Variants in FMNL2 observed in about 807,000 individuals in gnomAD.
FMNL2 encodes formin like 2.
In FMNL2, 51 loss-of-function variants were observed where a neutral mutation model predicts 130.2. The observed-to-expected ratio is 0.39, with a 90% CI of 0.31 to 0.49. The LOEUF is 0.49. FMNL2 is among the 20% of genes least tolerant of loss of function. The pLI is 0.85. For missense variants in FMNL2, 977 were observed against 1,316.2 expected, an observed-to-expected ratio of 0.74 and a Z score of 3.99; for synonymous variants, 465 against 467.1, an observed-to-expected ratio of 1.00 and a Z score of 0.06.
At position 152,619,552 on chromosome 2, in the gene FMNL2, G is replaced by GCCCA; in HGVS notation, c.1674_1675insACCC (p.Pro559ThrfsTer23). On this transcript the variant is annotated frameshift_variant, in exon 15 of 26. Transcript: ENST00000288670. LOFTEE classifies it high-confidence loss of function. Reference sequence around the variant, plus strand: ...CACCACCTATGCCACCGCCGCCGCCGCCCCCTCCTCCACCTCCTCCTCCCC... The same window carrying GCCCA: ...CACCACCTATGCCACCGCCGCCGCCGCCCACCCCCTCCTCCACCTCCTCCTCCCC... 7.1e-7 allele frequency: 1 copy of GCCCA among 1,417,700 alleles called. No individual in the cohort carries two copies. The highest frequency in any genetic ancestry group is 2.2e-5 in the Admixed American group (1 of 44,686). 87.8% of individuals were successfully genotyped at this position (1,417,700 alleles called of 1,614,324 possible).
intron 1 of FMNL2, among the ~76,000 whole-genome samples, chr2:152,475,561 C>A (rs1232688664): frequency 6.6e-6 from 1 of 150,390 alleles, no homozygotes; most frequent in Non-Finnish European, 1.5e-5. Context: ...GTAGTGTGAT[C>A]TCGGCTCACT....
At chr2:152,634,209 GATCACTTGAGGTCAGGAGT>G (rs1250954207) in intron 21 of FMNL2, among the ~76,000 whole-genome samples, 1 of 152,112 alleles carries the variant, frequency 6.6e-6, no homozygotes, top group African/African-American at 2.4e-5. Flanking sequence ...GAGGCGGGCG[GATCACTTGAGGTCAGGAGT>G]TTGAGACCAG....
chr2:152,508,470 A>G (rs908864311), intron 1 of FMNL2, among the ~76,000 whole-genome samples: 1 of 152,202 alleles, frequency 6.6e-6, no homozygotes, highest in Non-Finnish European at 1.5e-5. Context: ...AACATTAGGT[A>G]CTGGATGAAG....
At chr2:152,428,800 G>T (rs1687323826) in intron 1 of FMNL2, among the ~76,000 whole-genome samples, 1 of 152,144 alleles carries the variant, frequency 6.6e-6, no homozygotes. Flanking sequence ...GAGATAGTTC[G>T]AGTGGTGGGG....
chr2:152,425,952 G>A (rs149035676), intron 1 of FMNL2, among the ~76,000 whole-genome samples: 35 of 152,314 alleles, frequency 2.3e-4, no homozygotes, highest in Non-Finnish European at 3.8e-4. Context: ...GCAATTTTCT[G>A]TGGAGGATTC....
chr2:152,463,839 T>C (rs1235464409), intron 1 of FMNL2, among the ~76,000 whole-genome samples: 1 of 152,234 alleles, frequency 6.6e-6, no homozygotes, highest in Admixed American at 6.5e-5. Flanking sequence ...TGTTTTTTTT[T>C]CTCCCTGGCT....
At chr2:152,499,517 A>T (rs1691692623) in intron 1 of FMNL2, among the ~76,000 whole-genome samples, 1 of 145,092 alleles carries the variant, frequency 6.9e-6, no homozygotes, top group Admixed American at 6.6e-5. Flanking sequence ...CTAAAATCTA[A>T]ATCAAAGAAA....
intron 9 of FMNL2, among the ~76,000 whole-genome samples, chr2:152,582,628 G>A (rs1172617196): frequency 6.6e-6 from 1 of 152,024 alleles, no homozygotes; most frequent in African/African-American, 2.4e-5. Flanking sequence ...AGACAAGAAT[G>A]TACGAATGCT....
intron 6 of FMNL2, among the ~76,000 whole-genome samples, chr2:152,563,662 G>A (rs533384479): frequency 6.6e-6 from 1 of 151,140 alleles, no homozygotes; most frequent in African/African-American, 2.4e-5. Flanking sequence ...TTCTCCACAC[G>A]CTGCCTTCAC....
intron 2 of FMNL2, among the ~76,000 whole-genome samples, chr2:152,537,457 C>T (rs918706322): frequency 1.2e-4 from 18 of 152,262 alleles, no homozygotes; most frequent in African/African-American, 3.6e-4. Flanking sequence ...AGGCATTAGA[C>T]GGCTTTAGAT....
chr2:152,600,842 A>T (rs981798332), intron 9 of FMNL2, among the ~76,000 whole-genome samples: 2 of 151,954 alleles, frequency 1.3e-5, no homozygotes, highest in South Asian at 4.1e-4. Flanking sequence ...ATGGGATTTC[A>T]TAGCTTCACA....
chr2:152,372,283 AG>A (rs1264519193), intron 1 of FMNL2, among the ~76,000 whole-genome samples: 3 of 152,210 alleles, frequency 2.0e-5, no homozygotes, highest in Non-Finnish European at 4.4e-5. Flanking sequence ...GGTCCATCTA[AG>A]GAGAGTCTAA....
intron 21 of FMNL2, among the ~76,000 whole-genome samples, chr2:152,634,239 C>T (rs1308861064): frequency 2.0e-5 from 3 of 152,070 alleles, no homozygotes; most frequent in Admixed American, 6.6e-5. Context: ...TTGAGACCAG[C>T]GTGGCCAACA....
intron 1 of FMNL2, among the ~76,000 whole-genome samples, chr2:152,450,872 G>C (rs1332108210): frequency 6.6e-6 from 1 of 152,212 alleles, no homozygotes; most frequent in Non-Finnish European, 1.5e-5. Context: ...ATGAGGTGAT[G>C]TCCCTGCTCC....
At chr2:152,505,708 GGGCTCCAGCC>G (rs1199156898) in intron 1 of FMNL2, among the ~76,000 whole-genome samples, 2 of 152,202 alleles carry the variant, frequency 1.3e-5, no homozygotes, top group East Asian at 1.9e-4. Context: ...AAGGGTCATC[GGGCTCCAGCC>G]GGCTCCAGCC....
Position 152,647,785 on chromosome 2 carries a change from C to G in FMNL2, c.3170-11C>G, listed in dbSNP as rs1282958217. 1.2e-6 allele frequency: 2 copies of G among 1,613,242 alleles called. No individual in the cohort carries two copies. Among genetic ancestry groups the G allele is most frequent in the African/African-American group, 1.3e-5 (1 of 74,902 alleles). ...GTTGCTATTCTCTCACTGGCACTCT[C>G]CCCTTTACAGATCTTAGAAACCAAC... is the stretch of plus-strand genomic sequence containing the variant. On this transcript the variant is annotated splice_polypyrimidine_tract_variant and intron_variant, in intron 25 of 25. Transcript: ENST00000288670.
intron 1 of FMNL2, among the ~76,000 whole-genome samples, chr2:152,463,343 C>T (rs1363357962): frequency 6.6e-6 from 1 of 152,008 alleles, no homozygotes; most frequent in Non-Finnish European, 1.5e-5. Context: ...GGCCTATTAC[C>T]CTTCTCTTGG....
intron 2 of FMNL2, among the ~76,000 whole-genome samples, chr2:152,539,630 G>C (rs767065258): frequency 6.6e-6 from 1 of 152,170 alleles, no homozygotes; most frequent in Non-Finnish European, 1.5e-5. Context: ...TGCTAAATAA[G>C]CATATTTGAA....
At chr2:152,401,283 T>C (rs1350131231) in intron 1 of FMNL2, among the ~76,000 whole-genome samples, 1 of 152,240 alleles carries the variant, frequency 6.6e-6, no homozygotes, top group Non-Finnish European at 1.5e-5. Flanking sequence ...TTAATTTAAA[T>C]GTGTCCTGTC....
Sources: allele counts gnomAD v4.1 joint callset (sites outside exome capture counted in the v4.1 genomes callset), GRCh38; gene constraint gnomAD v4.1.1; transcripts MANE v1.5; gene names NCBI Gene and HGNC (gene_info 2026-07-23, HGNC 2026-07-21).